Variants in OAS2 observed in about 807,000 individuals in gnomAD.
OAS2 encodes 2'-5'-oligoadenylate synthase 2.
Under a neutral mutation model 71.3 loss-of-function variants are expected in OAS2, and 67 were observed. The observed-to-expected ratio is 0.94, with a 90% CI of 0.77 to 1.15. The LOEUF is 1.15. OAS2 is among the 50% of genes most tolerant of loss of function. The probability of loss-of-function intolerance (pLI) is 0.00; values close to 1 mark genes in which losing one functional copy is unlikely to be tolerated. For missense variants in OAS2, 789 were observed against 822.5 expected, an observed-to-expected ratio of 0.96 and a Z score of 0.50; for synonymous variants, 327 against 321.8, an observed-to-expected ratio of 1.02 and a Z score of -0.17.
At chr12:112,981,675 A>C (rs1261684019) in intron 1 of OAS2, among the ~76,000 whole-genome samples, 1 of 151,970 alleles carries the variant, frequency 6.6e-6, no homozygotes, top group East Asian at 1.9e-4. Context: ...CTTTTTCCTC[A>C]GTACTATTTG....
intron 1 of OAS2, among the ~76,000 whole-genome samples, chr12:112,982,833 T>C (rs1434529478): frequency 6.6e-6 from 1 of 152,236 alleles, no homozygotes; most frequent in Non-Finnish European, 1.5e-5. Context: ...GAGTTTTTTA[T>C]TACTGATTCA....
At chr12:113,000,591 A>T (rs1437405077) in intron 5 of OAS2, among the ~76,000 whole-genome samples, 1 of 151,456 alleles carries the variant, frequency 6.6e-6, no homozygotes, top group Admixed American at 6.6e-5. Context: ...ACACACATAC[A>T]TGCATACACA....
intron 3 of OAS2, among the ~76,000 whole-genome samples, chr12:112,997,183 C>A (rs2044240627): frequency 6.6e-6 from 1 of 151,916 alleles, no homozygotes. Context: ...TCCTGTAGAC[C>A]CTGAACTACT....
chr12:113,008,164 C>T (rs2044350973), intron 9 of OAS2, among the ~76,000 whole-genome samples: 1 of 152,174 alleles, frequency 6.6e-6, no homozygotes, highest in Admixed American at 6.5e-5. Context: ...GATACCACGT[C>T]CCTGAGCTGC....
chr12:113,010,684 G>T lies in OAS2; in HGVS notation c.*1429G>T. 1 of 597,368 alleles carries T rather than the reference G, an allele frequency of 1.7e-6. No homozygotes were observed. The highest frequency in any genetic ancestry group is 3.7e-5 in the East Asian group (1 of 26,972). 37.0% of individuals were successfully genotyped at this position (597,368 alleles called of 1,614,324 possible). ...AGGCAGCCTGCCTTTAAAAATAGTT[G>T]CTGTCATCCACTTTATGTGCATCTT... On this transcript the variant is annotated 3_prime_UTR_variant, in exon 10 of 10. Transcript: ENST00000392583.
chr12:112,979,102 A>G (rs1487287465), intron 1 of OAS2, among the ~76,000 whole-genome samples: 1 of 152,210 alleles, frequency 6.6e-6, no homozygotes, highest in African/African-American at 2.4e-5. Flanking sequence ...ATTCACTGTG[A>G]TTACTCACTG....
intron 2 of OAS2, among the ~76,000 whole-genome samples, chr12:112,989,931 G>C (rs1464510859): frequency 2.6e-5 from 4 of 152,066 alleles, no homozygotes; most frequent in Admixed American, 2.6e-4. Flanking sequence ...TGCCTAACTT[G>C]CTCCTAAATC....
rs1414064214 is a variant in OAS2 at position 113,005,935 on chromosome 12, A to C, written c.1469-478A>C. ...AACAACAACAAAAAAAAAAAAAAAAAAAAAAAAAAAAAAAAACAAGAAGCA... is the reference window on the plus strand; with the variant it reads ...AACAACAACAAAAAAAAAAAAAAAACAAAAAAAAAAAAAAAACAAGAAGCA... On this transcript the variant is annotated intron_variant, in intron 7 of 9. Coordinates refer to ENST00000392583, the MANE Select transcript of OAS2 (RefSeq NM_002535.3). 3.8e-3 allele frequency among the ~76,000 whole-genome samples: 563 copies of C among 148,194 alleles called. 2 individuals carry two copies. The highest frequency in any genetic ancestry group is 6.1e-3 in the Non-Finnish European group (404 of 66,464).
Position 113,006,442 on chromosome 12 carries a change from C to T in OAS2, c.1498C>T (p.Pro500Ser). 1 of 1,580,550 alleles carries T rather than the reference C, an allele frequency of 6.3e-7. No homozygotes were observed. Among genetic ancestry groups the T allele is most frequent in the Non-Finnish European group, 8.7e-7 (1 of 1,154,630 alleles). Residue 500 changes from proline to serine, a missense_variant, in exon 8 of 10, where the codon CCC (proline) becomes TCC (serine). Transcript: ENST00000392583. ...GCTGAGTTCTGGCTCCACACCCAGC[C>T]CCGAGGTTTATGCAGGGCTCATTGA... ...GQLSSGSTPS[P>S]EVYAGLIDLY...
At chr12:113,000,648 GCA>G (rs1439370216) in intron 5 of OAS2, among the ~76,000 whole-genome samples, 1 of 147,006 alleles carries the variant, frequency 6.8e-6, no homozygotes, top group East Asian at 2.0e-4. Context: ...CTCACACCAT[GCA>G]CACACATGCA....
rs1300410963 is a variant in OAS2 at position 112,997,714 on chromosome 12, G to T, written c.822G>T (p.Glu274Asp). The stretch of plus-strand genomic sequence containing the variant: ...TGGTCAACTACAACTTTGAAGATGA[G>T]ACCATCAGGAACATCCTGCTGCACC... The part of the protein sequence containing the change: ...YWMVNYNFED[E>D]TIRNILLHQL... Residue 274 changes from glutamate to aspartate, a missense_variant, in exon 4 of 10, where the codon GAG (glutamate) becomes GAT (aspartate). Physicochemically the swap from Glu to Asp is conservative, Grantham distance 45. Transcript: ENST00000392583. 2 of 1,611,026 alleles carry T rather than the reference G, an allele frequency of 1.2e-6. No individual in the cohort carries two copies. Among genetic ancestry groups the T allele is most frequent in the Non-Finnish European group, 8.5e-7 (1 of 1,178,266 alleles).
chr12:112,980,576 T>C (rs1464065003), intron 1 of OAS2, among the ~76,000 whole-genome samples: 1 of 152,214 alleles, frequency 6.6e-6, no homozygotes, highest in African/African-American at 2.4e-5. Context: ...AATTCCATTC[T>C]TTTTGTGTCT....
rs985160141 is a variant in OAS2 at position 113,002,861 on chromosome 12, C to T, written c.1009-71C>T. On this transcript the variant is annotated intron_variant, in intron 5 of 9. Transcript: ENST00000392583. ...GAGAGGCAGGGTAGGGGGCCCAGTA[C>T]AGGCAGGAAAAGAAGCCTTGGGTGG... 32 of 1,436,306 alleles carry T rather than the reference C, an allele frequency of 2.2e-5. 1 individual carries two copies. Among genetic ancestry groups the T allele is most frequent in the Non-Finnish European group, 3.0e-5 (31 of 1,034,204 alleles). 89.0% of individuals were successfully genotyped at this position (1,436,306 alleles called of 1,614,324 possible).
intron 5 of OAS2, 103 bp from the exon 6 acceptor site, chr12:113,002,829 C>T: frequency 1.1e-6 from 1 of 940,976 alleles, no homozygotes; most frequent in Admixed American, 2.2e-5. Context: ...AGCAGGAGGG[C>T]AGTTGGGAGA....
intron 2 of OAS2, among the ~76,000 whole-genome samples, chr12:112,991,592 T>C (rs941386631): frequency 2.0e-5 from 3 of 152,174 alleles, no homozygotes; most frequent in African/African-American, 7.2e-5. Flanking sequence ...AGATCATAGG[T>C]AGATAAGAGA....
intron 8 of OAS2, among the ~76,000 whole-genome samples, chr12:113,006,831 G>T (rs982191211): frequency 2.0e-5 from 3 of 152,200 alleles, no homozygotes; most frequent in African/African-American, 7.2e-5. Context: ...CCTCACACTG[G>T]CCAAAGAATT....
chr12:113,007,488 T>C (rs2044344434), intron 8 of OAS2, among the ~76,000 whole-genome samples: 1 of 152,190 alleles, frequency 6.6e-6, no homozygotes, highest in African/African-American at 2.4e-5. Context: ...TATGTTATTG[T>C]CCTAGGAAGG....
rs763647879 is a variant in OAS2, at chr12:112,978,721, T to C, written c.113T>C (p.Val38Ala). The change falls in exon 1 of 10, where the codon GTG (valine) becomes GCG (alanine). Residue 38 changes from valine (V) to alanine (A), a missense_variant. Val to Ala is a moderately conservative substitution (Grantham distance 64). Coordinates refer to ENST00000392583, the MANE Select transcript of OAS2 (RefSeq NM_002535.3). The surrounding 1 kb of genome is among the most constrained non-coding windows in gnomAD (Gnocchi z 4.2). ...TGTCAGACACTGATCGACGAGATGGTGAACACCATCTGTGACGTCCTGCAG... is the reference window on the plus strand; with the variant it reads ...TGTCAGACACTGATCGACGAGATGGCGAACACCATCTGTGACGTCCTGCAG... ...EECQTLIDEM[V>A]NTICDVLQEP... The C allele has an allele frequency of 3.7e-5, 60 of 1,613,982 alleles. No homozygotes were observed. The Admixed American group carries it at 9.8e-4, about 26-fold the overall frequency.
intron 2 of OAS2, among the ~76,000 whole-genome samples, chr12:112,992,071 C>A (rs1204033764): frequency 6.6e-6 from 1 of 150,632 alleles, no homozygotes; most frequent in Non-Finnish European, 1.5e-5. Context: ...CACAAAGTCT[C>A]AAGTACAGGT....
Sources: allele counts gnomAD v4.1 joint callset (sites outside exome capture counted in the v4.1 genomes callset), GRCh38; gene constraint gnomAD v4.1.1; non-coding constraint Gnocchi (gnomAD v3.1); transcripts MANE v1.5; gene names NCBI Gene and HGNC (gene_info 2026-07-23, HGNC 2026-07-21).